ARHGEF12: variants seen among roughly 807,000 people sequenced by gnomAD.
ARHGEF12 encodes KMT2A/ARHGEF12 fusion protein.
Under a neutral mutation model 211.2 loss-of-function variants are expected in ARHGEF12, and 66 were observed. That is an observed-to-expected ratio of 0.31 (90% CI 0.26 to 0.38). The LOEUF (loss-of-function observed/expected upper bound fraction) is 0.38, where lower values mean the gene tolerates loss of function less well. Among genes scored for constraint, ARHGEF12 ranks in the 10% least tolerant of loss-of-function variants. The probability of loss-of-function intolerance (pLI) is 1.00; values close to 1 mark genes in which losing one functional copy is unlikely to be tolerated. For synonymous variants in ARHGEF12, 592 were observed against 638.4 expected, an observed-to-expected ratio of 0.93 and a Z score of 1.09; for missense variants, 1,429 against 1,869.5, an observed-to-expected ratio of 0.76 and a Z score of 4.34.
chr11:120,405,123 C>A (rs1944659852), intron 1 of ARHGEF12, among the ~76,000 whole-genome samples: 1 of 152,084 alleles, frequency 6.6e-6, no homozygotes, highest in Admixed American at 6.6e-5. Flanking sequence ...TTTGTTTCTA[C>A]CTCCATGCCA....
chr11:120,395,768 C>T (rs12361642), intron 1 of ARHGEF12, among the ~76,000 whole-genome samples: 28,155 of 151,938 alleles, frequency 0.19, 2,979 homozygotes, highest in Non-Finnish European at 0.23. Context: ...AGACCCCCCC[C>T]CTTCATGATT....
At chr11:120,471,233 T>G (rs765579335) in intron 30 of ARHGEF12, among the ~76,000 whole-genome samples, 5 of 152,122 alleles carry the variant, frequency 3.3e-5, no homozygotes, top group Non-Finnish European at 5.9e-5. Context: ...ACAGAATGGA[T>G]AAACCAACTG....
intron 1 of ARHGEF12, among the ~76,000 whole-genome samples, chr11:120,356,084 A>G (rs1055481972): frequency 1.3e-5 from 2 of 152,228 alleles, no homozygotes; most frequent in African/African-American, 4.8e-5. Context: ...TTGCAATTTC[A>G]TGTGATTCAG....
chr11:120,449,438 C>T (rs1466803274), intron 21 of ARHGEF12: 6 of 440,694 alleles, frequency 1.4e-5, no homozygotes, highest in East Asian at 3.8e-5. Flanking sequence ...TGGTGATTCA[C>T]GCCTGTAATC....
intron 1 of ARHGEF12, among the ~76,000 whole-genome samples, chr11:120,368,869 G>T (rs1422997668): frequency 6.6e-6 from 1 of 151,716 alleles, no homozygotes; most frequent in Non-Finnish European, 1.5e-5. Context: ...TATTTTTTCT[G>T]CCCCCTCCCT....
chr11:120,351,133 A>G lies in ARHGEF12; in HGVS notation c.32+13858A>G, dbSNP rs540667939. On this transcript the variant is annotated intron_variant, in intron 1 of 40. Transcript: ENST00000397843. Reference sequence around the variant, plus strand: ...GGGAGGCTGAGGCGGGCGGATCACAAGGTCAGGAAATCGAGACCATTCTGG... The same window carrying G: ...GGGAGGCTGAGGCGGGCGGATCACAGGGTCAGGAAATCGAGACCATTCTGG... Among the ~76,000 whole-genome samples the G allele has an allele frequency of 1.1e-4, 17 of 151,828 alleles. No homozygotes were observed. The East Asian group carries it at 2.7e-3, about 24-fold the overall frequency.
intron 5 of ARHGEF12, among the ~76,000 whole-genome samples, 181 bp downstream of exon 5, chr11:120,421,032 T>C (rs1054529775): frequency 6.6e-6 from 1 of 152,244 alleles, no homozygotes; most frequent in African/African-American, 2.4e-5. Context: ...TGATTTTTTT[T>C]TGTACTTGTT....
intron 30 of ARHGEF12, among the ~76,000 whole-genome samples, chr11:120,469,653 A>G (rs143505268): frequency 1.3e-5 from 2 of 152,336 alleles, no homozygotes; most frequent in East Asian, 1.9e-4. Context: ...CATCTACTGT[A>G]TGCTGGGCAT....
chr11:120,459,745 G>T (rs1467864134), intron 26 of ARHGEF12, among the ~76,000 whole-genome samples: 3 of 152,126 alleles, frequency 2.0e-5, no homozygotes, highest in Non-Finnish European at 4.4e-5. Context: ...GTCTCGCTCT[G>T]TTGCCCAAGC....
chr11:120,463,095 T>C (rs1946583559), intron 27 of ARHGEF12: 1 of 152,284 alleles, frequency 6.6e-6, no homozygotes, highest in African/African-American at 2.4e-5. Flanking sequence ...TAAGGTCAGC[T>C]AGGCCAAGCT....
At chr11:120,447,679 A>G (rs1009039960) in intron 18 of ARHGEF12, among the ~76,000 whole-genome samples, 195 bp from the exon 19 acceptor site, 7 of 152,090 alleles carry the variant, frequency 4.6e-5, no homozygotes, top group Admixed American at 3.9e-4. Context: ...TTAGCCAGGC[A>G]TGGTGGCACT....
At position 120,477,240 on chromosome 11, in the gene ARHGEF12, G is replaced by A. The variant is rs1378779860; in HGVS notation, c.3387G>A (p.Arg1129=). 3.1e-6 allele frequency: 5 copies of A among 1,613,834 alleles called. No homozygotes were observed. The Middle Eastern group carries it at 4.9e-4, about 159-fold the overall frequency. ...GAAGCTGGCAGGACCTAATCTGTCG[G>A]ATGGCTGCATCAGTGAAGGAGCAAT... ...EKTVWQDLIC[R]MAASVKEQST... is the part of the protein sequence containing the mutation. Residue 1129 remains arginine, a synonymous_variant, in exon 35 of 41, where the codon CGG becomes CGA. Coordinates refer to ENST00000397843, the MANE Select transcript of ARHGEF12 (RefSeq NM_015313.3).
chr11:120,477,177 T>TGTTG lies in ARHGEF12; in HGVS notation c.3366-42_3366-41insGTTG, dbSNP rs1555123302. On this transcript the variant is annotated intron_variant, in intron 34 of 40. Coordinates refer to ENST00000397843, the MANE Select transcript of ARHGEF12 (RefSeq NM_015313.3). Reference sequence around the variant, plus strand: ...TGAGTATATTTAAAGGATATTTCTTTTTTCTTTTTTGTATTTTGGATTTCT... The same window carrying TGTTG: ...TGAGTATATTTAAAGGATATTTCTTTGTTGTTTCTTTTTTGTATTTTGGATTTCT... 24 of 1,497,854 alleles carry TGTTG rather than the reference T, an allele frequency of 1.6e-5. No individual in the cohort carries two copies. The Middle Eastern group carries it at 7.1e-4, about 44-fold the overall frequency. 92.8% of individuals were successfully genotyped at this position (1,497,854 alleles called of 1,614,324 possible).
intron 3 of ARHGEF12, 24 bp downstream of exon 3, chr11:120,407,847 A>G: frequency 1.3e-6 from 2 of 1,595,612 alleles, no homozygotes; most frequent in Non-Finnish European, 1.7e-6. Flanking sequence ...CATTCTTTCA[A>G]AGAGTATTGA....
At chr11:120,433,582 A>G (rs1945609135) in intron 11 of ARHGEF12, among the ~76,000 whole-genome samples, 1 of 152,222 alleles carries the variant, frequency 6.6e-6, no homozygotes. Flanking sequence ...AAATGATACG[A>G]ATGAGAAATT....
At chr11:120,459,768 G>A (rs1194348876) in intron 26 of ARHGEF12, among the ~76,000 whole-genome samples, 1 of 152,120 alleles carries the variant, frequency 6.6e-6, no homozygotes, top group African/African-American at 2.4e-5. Context: ...GAGTGCAGTG[G>A]TGCAGTCTTG....
chr11:120,429,301 A>G (rs1591580378), intron 8 of ARHGEF12, 139 bp from the exon 9 acceptor site: 4 of 595,918 alleles, frequency 6.7e-6, no homozygotes, highest in Non-Finnish European at 1.2e-5. Context: ...GCCTGTCCAC[A>G]TAACCCGGAA....
intron 1 of ARHGEF12, among the ~76,000 whole-genome samples, chr11:120,363,139 A>G (rs1943324898): frequency 6.6e-6 from 1 of 152,202 alleles, no homozygotes; most frequent in Non-Finnish European, 1.5e-5. Flanking sequence ...CTTTGATCCT[A>G]CATTTTAAAA....
intron 1 of ARHGEF12, among the ~76,000 whole-genome samples, chr11:120,360,589 AC>A (rs1292281459): frequency 1.3e-5 from 2 of 151,994 alleles, no homozygotes; most frequent in Non-Finnish European, 2.9e-5. Flanking sequence ...ATGAGGTTTC[AC>A]CATGTTGCCC....
Sources: gnomAD v4.1 joint callset for allele counts (sites outside exome capture counted in the v4.1 genomes callset) on GRCh38, gnomAD v4.1.1 for gene constraint, MANE v1.5 for transcripts, NCBI Gene and HGNC (gene_info 2026-07-23, HGNC 2026-07-21) for gene names.